The following PTPN2 variants were observed in gnomAD, a reference collection of about 807,000 sequenced individuals.
The protein encoded by PTPN2 is tyrosine-protein phosphatase non-receptor type 2.
Under a neutral mutation model 57.3 loss-of-function variants are expected in PTPN2, and 19 were observed. The ratio of observed to expected loss-of-function variants is 0.33; its 90% CI spans 0.23 to 0.49. The LOEUF is 0.49. Ranked by LOEUF, PTPN2 falls within the 20% of genes least tolerant of loss-of-function variation. The pLI is 0.99. For synonymous variants in PTPN2, 153 were observed against 164.9 expected, an observed-to-expected ratio of 0.93 and a Z score of 0.55; for missense variants, 358 against 501.1, an observed-to-expected ratio of 0.71 and a Z score of 2.73.
intron 5 of PTPN2, among the ~76,000 whole-genome samples, chr18:12,820,036 TTCA>T (rs1184128821): frequency 2.0e-5 from 3 of 152,288 alleles, no homozygotes; most frequent in East Asian, 1.9e-4. Context: ...GCACAATTAC[TTCA>T]TCAAGTCCTG....
At chr18:12,879,557 G>A (rs914061642) in intron 1 of PTPN2, among the ~76,000 whole-genome samples, 3 of 152,174 alleles carry the variant, frequency 2.0e-5, no homozygotes, top group Non-Finnish European at 4.4e-5. Context: ...ATGAAACTCT[G>A]AAGAAGTAAT....
intron 1 of PTPN2, among the ~76,000 whole-genome samples, chr18:12,871,983 G>A (rs921142322): frequency 2.6e-5 from 4 of 151,942 alleles, no homozygotes; most frequent in Non-Finnish European, 1.5e-5. Flanking sequence ...AGCATGCAGA[G>A]GTTGCAGTAA....
Position 12,794,361 on chromosome 18 carries a change from G to A in PTPN2, c.1165C>T (p.Leu389Phe), listed in dbSNP as rs891105715. Residue 389 changes from leucine (L) to phenylalanine (F), a missense_variant, in exon 9 of 9, where the codon CTC becomes TTC. By Grantham distance (22) the Leu-to-Phe change is conservative. Coordinates refer to ENST00000309660, the MANE Select transcript of PTPN2 (RefSeq NM_002828.4). ...ACTGACATAAACCCCATCTTAGTGAGAATAGGTTGCCAATATAACCACCTT... is the reference window on the plus strand; with the variant it reads ...ACTGACATAAACCCCATCTTAGTGAAAATAGGTTGCCAATATAACCACCTT... ...RKRWLYWQPI[L>F]TKMGFMSVIL... The A allele has an allele frequency of 2.5e-6, 4 of 1,614,102 alleles. No individual in the cohort carries two copies. In the African/African-American group the frequency reaches 5.3e-5, roughly 22 times the overall value.
chr18:12,853,923 T>C (rs2043481888), intron 2 of PTPN2, among the ~76,000 whole-genome samples: 1 of 152,164 alleles, frequency 6.6e-6, no homozygotes, highest in African/African-American at 2.4e-5. Flanking sequence ...ATACAAAGAT[T>C]ACTCCAGATA....
Position 12,869,940 on chromosome 18 carries a change from T to G in PTPN2, c.70-10686A>C, listed in dbSNP as rs75534285. Among the ~76,000 whole-genome samples the G allele has an allele frequency of 4.1e-3, 623 of 152,214 alleles. 4 individuals carry two copies. Among genetic ancestry groups the G allele is most frequent in the African/African-American group, 0.015 (604 of 41,536 alleles). Reference sequence around the variant, plus strand: ...AATCTTGCATACTTTGAAACACCATTACTTTAGGATGGTAAAATAACCACT... The same window carrying G: ...AATCTTGCATACTTTGAAACACCATGACTTTAGGATGGTAAAATAACCACT... On this transcript the variant is annotated intron_variant, in intron 1 of 8. Coordinates refer to ENST00000309660, the MANE Select transcript of PTPN2 (RefSeq NM_002828.4).
intron 8 of PTPN2, among the ~76,000 whole-genome samples, chr18:12,800,587 G>A (rs991264395): frequency 2.6e-5 from 4 of 151,878 alleles, no homozygotes; most frequent in Non-Finnish European, 4.4e-5. Context: ...AATAATACAT[G>A]TATTATATAT....
chr18:12,805,438 C>T (rs562720997), intron 7 of PTPN2, among the ~76,000 whole-genome samples: 3 of 148,482 alleles, frequency 2.0e-5, no homozygotes, highest in Admixed American at 2.0e-4. Context: ...GCCTGGGCAA[C>T]AGAGCAAGAC....
At chr18:12,865,471 A>G (rs2043960065) in intron 1 of PTPN2, among the ~76,000 whole-genome samples, 2 of 149,662 alleles carry the variant, frequency 1.3e-5, no homozygotes, top group East Asian at 1.9e-4. Flanking sequence ...GGCGGGGCAC[A>G]GTGGCTCATG....
chr18:12,807,604 T>TATATATATATAA (rs753128305), intron 7 of PTPN2, among the ~76,000 whole-genome samples: 2 of 95,536 alleles, frequency 2.1e-5, no homozygotes, highest in South Asian at 4.3e-4. Context: ...TATATATATA[T>TATATATATATAA]AATATAATAC....
chr18:12,884,176 C>G lies in PTPN2; in HGVS notation c.-35G>C. The G allele has an allele frequency of 1.3e-6, 2 of 1,545,014 alleles. No individual in the cohort carries two copies. The highest frequency in any genetic ancestry group is 1.7e-6 in the Non-Finnish European group (2 of 1,144,706). On this transcript the variant is annotated 5_prime_UTR_variant, in exon 1 of 9. Transcript: ENST00000309660. Reference sequence around the variant, plus strand: ...AGCGAGCTGGCGCGAGCAGAGCCTGCGCCGGCGGAGAGGCTCAGGCCCCGC... The same window carrying G: ...AGCGAGCTGGCGCGAGCAGAGCCTGGGCCGGCGGAGAGGCTCAGGCCCCGC...
intron 1 of PTPN2, among the ~76,000 whole-genome samples, chr18:12,870,993 T>C (rs2044253207): frequency 6.6e-6 from 1 of 152,150 alleles, no homozygotes; most frequent in Admixed American, 6.6e-5. Flanking sequence ...CAGTGCCTTG[T>C]ATATTTTCCG....
At chr18:12,805,451 T>C (rs1223939530) in intron 7 of PTPN2, among the ~76,000 whole-genome samples, 2 of 149,086 alleles carry the variant, frequency 1.3e-5, no homozygotes, top group Admixed American at 1.3e-4. Context: ...AGCAAGACTC[T>C]GTCTCAAAAA....
At chr18:12,848,925 A>C (rs1326086078) in intron 2 of PTPN2, among the ~76,000 whole-genome samples, 3 of 152,324 alleles carry the variant, frequency 2.0e-5, no homozygotes, top group East Asian at 1.9e-4. Flanking sequence ...CAGTTAATTT[A>C]TTTCTTTCCA....
chr18:12,840,987 T>G, intron 2 of PTPN2: 1 of 1,434,830 alleles, frequency 7.0e-7, no homozygotes, highest in Non-Finnish European at 9.1e-7. Flanking sequence ...ACACAATTTT[T>G]AGTCAACAAA....
chr18:12,875,610 G>A (rs2044461882), intron 1 of PTPN2, among the ~76,000 whole-genome samples: 1 of 152,204 alleles, frequency 6.6e-6, no homozygotes. Flanking sequence ...ATTAAGTTAA[G>A]GAATAGAGAG....
At chr18:12,852,711 T>C (rs1382008715) in intron 2 of PTPN2, among the ~76,000 whole-genome samples, 1 of 152,192 alleles carries the variant, frequency 6.6e-6, no homozygotes, top group Non-Finnish European at 1.5e-5. Context: ...ATATCCTTTT[T>C]CCTTTATGTT....
intron 5 of PTPN2, among the ~76,000 whole-genome samples, chr18:12,821,872 T>C (rs945781648): frequency 1.3e-5 from 2 of 152,152 alleles, no homozygotes; most frequent in Admixed American, 6.5e-5. Context: ...GGTGGAAAGA[T>C]TGCATCTGTG....
chr18:12,834,476 CTGT>C (rs1215240076), intron 3 of PTPN2, among the ~76,000 whole-genome samples: 1 of 152,012 alleles, frequency 6.6e-6, no homozygotes, highest in Non-Finnish European at 1.5e-5. Context: ...AAATTTTTAA[CTGT>C]TATTATTTCC....
At position 12,870,358 on chromosome 18, in the gene PTPN2, T is replaced by C. The variant is rs1358867164; in HGVS notation, c.70-11104A>G. Among the ~76,000 whole-genome samples, 20 of 45,114 alleles carry C rather than the reference T, an allele frequency of 4.4e-4. 2 individuals are homozygous for C. Among genetic ancestry groups the C allele is most frequent in the Non-Finnish European group, 7.7e-4 (20 of 26,090 alleles). 29.6% of individuals were successfully genotyped at this position (45,114 alleles called of 152,430 possible). On this transcript the variant is annotated intron_variant, in intron 1 of 8. Coordinates refer to ENST00000309660, the MANE Select transcript of PTPN2 (RefSeq NM_002828.4). ...ATATATATACATATATATGTGTATA[T>C]ATATGTGTATATATACATATATATA...
Sources: allele counts gnomAD v4.1 joint callset (sites outside exome capture counted in the v4.1 genomes callset), GRCh38; gene constraint gnomAD v4.1.1; transcripts MANE v1.5; gene names NCBI Gene and HGNC (gene_info 2026-07-23, HGNC 2026-07-21).